Variants in GRIN2A observed in about 807,000 individuals in gnomAD.
GRIN2A encodes glutamate receptor ionotropic, NMDA 2A.
Under a neutral mutation model 113.4 loss-of-function variants are expected in GRIN2A, and 22 were observed. The observed-to-expected ratio is 0.19, with a 90% confidence interval of 0.14 to 0.28. The LOEUF (loss-of-function observed/expected upper bound fraction) is 0.28. Ranked by LOEUF, GRIN2A falls within the 10% of genes least tolerant of loss-of-function variation. The pLI is 1.00. For synonymous variants in GRIN2A, 827 were observed against 738.4 expected (o/e 1.12, Z -1.94); for missense variants, 1,502 against 1,887.0 (o/e 0.80, Z 3.78).
At chr16:9,917,243 G>T (rs944098402) in intron 3 of GRIN2A, among the ~76,000 whole-genome samples, 1 of 152,136 alleles carries the variant, frequency 6.6e-6, no homozygotes, top group Admixed American at 6.6e-5. Context: ...CTTCACAGGA[G>T]CCATAATATA....
chr16:10,142,230 T>TCACA (rs753405389), intron 2 of GRIN2A, among the ~76,000 whole-genome samples: 4 of 151,466 alleles, frequency 2.6e-5, no homozygotes, highest in South Asian at 2.1e-4. Flanking sequence ...TATATAAGGG[T>TCACA]CACACACACA....
At chr16:10,074,695 C>T (rs564920722) in intron 2 of GRIN2A, among the ~76,000 whole-genome samples, 45 of 152,066 alleles carry the variant, frequency 3.0e-4, no homozygotes, top group Non-Finnish European at 5.9e-4. Context: ...TCCATAGAGA[C>T]AAAAAGTAGA....
At chr16:9,773,390 G>A (rs1189793355) in intron 11 of GRIN2A, among the ~76,000 whole-genome samples, 2 of 152,154 alleles carry the variant, frequency 1.3e-5, no homozygotes, top group African/African-American at 4.8e-5. Context: ...TCCAAGGAGT[G>A]GCTCTATGAT....
chr16:9,924,577 G>A (rs1016685586), intron 3 of GRIN2A, among the ~76,000 whole-genome samples: 2 of 152,156 alleles, frequency 1.3e-5, no homozygotes, highest in Non-Finnish European at 2.9e-5. Flanking sequence ...TTTTTGAACT[G>A]AGGGTTTATA....
At chr16:9,841,416 T>C (rs1385755029) in intron 5 of GRIN2A, among the ~76,000 whole-genome samples, 1 of 151,224 alleles carries the variant, frequency 6.6e-6, no homozygotes, top group Admixed American at 6.6e-5. Flanking sequence ...GTACACCCAT[T>C]AAACAGGTAA....
rs546750869 is a variant in GRIN2A at position 9,813,691 on chromosome 16, C to A, written c.2168+8573G>T. 1.1e-4 allele frequency among the ~76,000 whole-genome samples: 17 copies of A among 149,138 alleles called. No individual in the cohort carries two copies. In the South Asian group the frequency reaches 3.2e-3, roughly 28 times the overall value. On this transcript the variant is annotated intron_variant, in intron 10 of 12. Coordinates refer to ENST00000330684, the MANE Select transcript of GRIN2A (RefSeq NM_001134407.3). ...CCAGGAAATAATTCCAAGAACCCCACCCCCCCGCAAAAAAAAAAAAGATGT... is the reference window on the plus strand; with the variant it reads ...CCAGGAAATAATTCCAAGAACCCCAACCCCCCGCAAAAAAAAAAAAGATGT...
At chr16:10,062,955 C>T (rs1254235483) in intron 2 of GRIN2A, among the ~76,000 whole-genome samples, 4 of 151,794 alleles carry the variant, frequency 2.6e-5, no homozygotes, top group South Asian at 2.1e-4. Context: ...TTCACAATAA[C>T]GAAGACATGG....
intron 2 of GRIN2A, among the ~76,000 whole-genome samples, chr16:10,106,819 G>T (rs1394319421): frequency 2.0e-5 from 3 of 152,192 alleles, no homozygotes; most frequent in Non-Finnish European, 4.4e-5. Flanking sequence ...GACATGGAGG[G>T]ATTCATGAAG....
intron 11 of GRIN2A, among the ~76,000 whole-genome samples, chr16:9,786,142 T>C (rs1902215564): frequency 6.6e-6 from 1 of 152,196 alleles, no homozygotes; most frequent in African/African-American, 2.4e-5. Context: ...ACAATAACTT[T>C]CTGAAATTCT....
chr16:10,138,437 A>G (rs1176237660), intron 2 of GRIN2A, among the ~76,000 whole-genome samples: 1 of 152,222 alleles, frequency 6.6e-6, no homozygotes, highest in Non-Finnish European at 1.5e-5. Context: ...CATCTCACAC[A>G]GCGGAAGGAT....
intron 3 of GRIN2A, among the ~76,000 whole-genome samples, chr16:9,931,159 C>T (rs1235116434): frequency 6.6e-6 from 1 of 152,150 alleles, no homozygotes; most frequent in East Asian, 1.9e-4. Context: ...GCAGTAACTT[C>T]TCCATGTCCT....
chr16:9,914,570 A>G (rs1174555463), intron 3 of GRIN2A, among the ~76,000 whole-genome samples: 1 of 152,218 alleles, frequency 6.6e-6, no homozygotes, highest in Non-Finnish European at 1.5e-5. Context: ...TTCTGAAACT[A>G]TCTTCAACGC....
At chr16:10,067,549 T>C (rs188273906) in intron 2 of GRIN2A, among the ~76,000 whole-genome samples, 270 of 152,230 alleles carry the variant, frequency 1.8e-3, no homozygotes, top group Non-Finnish European at 2.7e-3. Flanking sequence ...ACTCGGAACA[T>C]TGCCATCTGT....
intron 2 of GRIN2A, among the ~76,000 whole-genome samples, chr16:10,069,372 G>T (rs2047709025): frequency 6.6e-6 from 1 of 152,260 alleles, no homozygotes; most frequent in African/African-American, 2.4e-5. Context: ...AAGGTTAAAA[G>T]GCTAAGTGTC....
intron 4 of GRIN2A, among the ~76,000 whole-genome samples, chr16:9,887,709 G>A (rs1042333498): frequency 6.6e-6 from 1 of 152,130 alleles, no homozygotes; most frequent in African/African-American, 2.4e-5. Flanking sequence ...TAAAATTGCT[G>A]GATAAGATTT....
chr16:10,052,956 G>C (rs1212500877), intron 2 of GRIN2A, among the ~76,000 whole-genome samples: 1 of 151,636 alleles, frequency 6.6e-6, no homozygotes, highest in Non-Finnish European at 1.5e-5. Flanking sequence ...GCTGAGGCAG[G>C]AGAATGGCTT....
At chr16:9,776,877 C>T (rs1002210578) in intron 11 of GRIN2A, among the ~76,000 whole-genome samples, 13 of 152,116 alleles carry the variant, frequency 8.5e-5, no homozygotes, top group African/African-American at 2.9e-4. Context: ...CTCATGTTCT[C>T]GATGACAACA....
At chr16:10,162,897 T>C (rs1394041550) in intron 2 of GRIN2A, among the ~76,000 whole-genome samples, 1 of 152,158 alleles carries the variant, frequency 6.6e-6, no homozygotes, top group Admixed American at 6.5e-5. Context: ...GATTTCCTAT[T>C]TCGGAGGAGG....
intron 2 of GRIN2A, among the ~76,000 whole-genome samples, chr16:9,960,797 G>T (rs1431703363): frequency 6.6e-6 from 1 of 152,016 alleles, no homozygotes; most frequent in Admixed American, 6.6e-5. Context: ...GATAATTTTT[G>T]TATTTTTGGC....
Sources: gnomAD v4.1 joint callset for allele counts (sites outside exome capture counted in the v4.1 genomes callset) on GRCh38, gnomAD v4.1.1 for gene constraint, MANE v1.5 for transcripts, NCBI Gene and HGNC (gene_info 2026-07-23, HGNC 2026-07-21) for gene names.